The following PPM1L variants were observed in gnomAD, a reference collection of about 807,000 sequenced individuals.
PPM1L encodes the protein protein phosphatase, Mg2+/Mn2+ dependent 1L.
Under a neutral mutation model 31.4 loss-of-function variants are expected in PPM1L, and 13 were observed. That is an observed-to-expected ratio of 0.41 (90% confidence interval 0.27 to 0.66). The LOEUF (loss-of-function observed/expected upper bound fraction) is 0.66, where lower values mean the gene tolerates loss of function less well. Ranked by LOEUF, PPM1L falls within the 30% of genes least tolerant of loss-of-function variation. The pLI is 0.29. For missense variants in PPM1L, 326 were observed against 453.7 expected, an observed-to-expected ratio of 0.72 and a Z score of 2.56; for synonymous variants, 184 against 175.4, an observed-to-expected ratio of 1.05 and a Z score of -0.39.
At position 160,850,894 on chromosome 3, in the gene PPM1L, G is replaced by GA. The variant is rs1553812637; in HGVS notation, c.399+94187_399+94188insA. 6.7e-5 allele frequency among the ~76,000 whole-genome samples: 10 copies of GA among 148,364 alleles called. No individual in the cohort carries two copies. In the Admixed American group the frequency reaches 6.8e-4, roughly 10 times the overall value. On this transcript the variant is annotated intron_variant, in intron 1 of 3. Transcript: ENST00000498165. ...ACTCTTTTTTTTTGGTGGGGGGGGG[G>GA]TCATTATTGTTTTTCTCTCTTACAG...
chr3:161,050,701 AT>A (rs1719246171), intron 2 of PPM1L, among the ~76,000 whole-genome samples: 2 of 152,134 alleles, frequency 1.3e-5, no homozygotes, highest in Non-Finnish European at 2.9e-5. Context: ...ACTATAATTA[AT>A]GTCCTTGTAA....
chr3:160,840,789 G>A (rs1713851633), intron 1 of PPM1L, among the ~76,000 whole-genome samples: 1 of 150,068 alleles, frequency 6.7e-6, no homozygotes, highest in African/African-American at 2.5e-5. Context: ...AGAGAGAGAG[G>A]AGAGAGAGAG....
intron 2 of PPM1L, among the ~76,000 whole-genome samples, chr3:160,987,300 A>G (rs1716996150): frequency 6.6e-6 from 1 of 152,216 alleles, no homozygotes; most frequent in Non-Finnish European, 1.5e-5. Flanking sequence ...CACTGAGCAT[A>G]TGAAAGGCAG....
chr3:160,761,108 A>G (rs1406620908), intron 1 of PPM1L, among the ~76,000 whole-genome samples: 4 of 152,222 alleles, frequency 2.6e-5, no homozygotes, highest in Non-Finnish European at 5.9e-5. Flanking sequence ...TGAGAATGTT[A>G]TGAAACTACA....
intron 2 of PPM1L, among the ~76,000 whole-genome samples, chr3:160,996,990 G>T (rs1333860582): frequency 6.6e-6 from 1 of 152,066 alleles, no homozygotes; most frequent in Non-Finnish European, 1.5e-5. Context: ...AGGGATAGGA[G>T]GACTTAAGGT....
At chr3:160,974,376 G>A (rs1324219430) in intron 2 of PPM1L, among the ~76,000 whole-genome samples, 1 of 151,990 alleles carries the variant, frequency 6.6e-6, no homozygotes. Context: ...TAGTTGTGTG[G>A]GTGTATATCC....
At chr3:160,765,446 G>A (rs979513668) in intron 1 of PPM1L, among the ~76,000 whole-genome samples, 2 of 152,110 alleles carry the variant, frequency 1.3e-5, no homozygotes, top group African/African-American at 2.4e-5. Context: ...GACAGGTGGT[G>A]GTGTTTTTGA....
At chr3:161,005,799 A>G (rs1717684284) in intron 2 of PPM1L, among the ~76,000 whole-genome samples, 1 of 152,226 alleles carries the variant, frequency 6.6e-6, no homozygotes, top group African/African-American at 2.4e-5. Context: ...GGATTTAGAC[A>G]TGCAAAAATG....
intron 2 of PPM1L, among the ~76,000 whole-genome samples, chr3:160,968,376 G>A (rs1716220848): frequency 6.6e-6 from 1 of 152,156 alleles, no homozygotes; most frequent in Non-Finnish European, 1.5e-5. Context: ...TTCAAGGAAA[G>A]CAATGGCATA....
In PPM1L at chr3:160,835,290, C is replaced by T. The variant is rs554405508; in HGVS notation, c.399+78583C>T. On this transcript the variant is annotated intron_variant, in intron 1 of 3. Transcript: ENST00000498165. Reference sequence around the variant, plus strand: ...AAACGCATTGTATAGTGGTCAGTTCCTTAGCTCTTAAGCAATGAGTATCCA... The same window carrying T: ...AAACGCATTGTATAGTGGTCAGTTCTTTAGCTCTTAAGCAATGAGTATCCA... Among the ~76,000 whole-genome samples, 7 of 151,398 alleles carry T rather than the reference C, an allele frequency of 4.6e-5. No individual in the cohort carries two copies. The East Asian group carries it at 9.7e-4, about 21-fold the overall frequency.
intron 1 of PPM1L, among the ~76,000 whole-genome samples, chr3:160,770,347 A>G (rs1179602169): frequency 6.6e-6 from 1 of 152,168 alleles, no homozygotes; most frequent in Non-Finnish European, 1.5e-5. Context: ...ATTATTTAAA[A>G]AGTTTGAGAT....
At chr3:160,868,808 T>C (rs1712188454) in intron 1 of PPM1L, among the ~76,000 whole-genome samples, 1 of 152,198 alleles carries the variant, frequency 6.6e-6, no homozygotes, top group South Asian at 2.1e-4. Flanking sequence ...AATATGACAG[T>C]TAATTTCTTC....
chr3:160,969,261 T>C (rs1420545720), intron 2 of PPM1L, among the ~76,000 whole-genome samples: 1 of 152,178 alleles, frequency 6.6e-6, no homozygotes, highest in Non-Finnish European at 1.5e-5. Flanking sequence ...AAAAATAGCT[T>C]TTTAAAAGCG....
intron 1 of PPM1L, among the ~76,000 whole-genome samples, chr3:160,885,023 G>C (rs1346097070): frequency 1.3e-5 from 2 of 152,088 alleles, no homozygotes; most frequent in Non-Finnish European, 2.9e-5. Flanking sequence ...TTTTTCAAAA[G>C]GCAAATTCTA....
chr3:161,008,262 C>G (rs114275236), intron 2 of PPM1L, among the ~76,000 whole-genome samples: 2,823 of 152,280 alleles, frequency 0.019, 78 homozygotes, highest in African/African-American at 0.063. Context: ...GAGGGCCCTG[C>G]CCCATACCCA....
intron 2 of PPM1L, among the ~76,000 whole-genome samples, chr3:160,962,782 A>G (rs1329176794): frequency 1.3e-5 from 2 of 151,996 alleles, no homozygotes; most frequent in Non-Finnish European, 2.9e-5. Flanking sequence ...TTCAAGTTCA[A>G]ATAGCAAACA....
chr3:161,078,196 A>G lies in PPM1L; in HGVS notation c.*9039A>G, dbSNP rs1720169802. 1.3e-5 allele frequency: 2 copies of G among 152,362 alleles called. No individual in the cohort carries two copies. The highest frequency in any genetic ancestry group is 4.1e-4 in the South Asian group (2 of 4,832). 9.4% of individuals were successfully genotyped at this position (152,362 alleles called of 1,614,324 possible). On this transcript the variant is annotated 3_prime_UTR_variant, in exon 4 of 4. Coordinates refer to ENST00000498165, the MANE Select transcript of PPM1L (RefSeq NM_139245.4). The stretch of plus-strand genomic sequence containing the variant: ...TCAGTTATTAAGGATGGAAAGGAGG[A>G]AAGCACAGAGTGAGGAGAGAAAAAG...
chr3:160,883,098 A>T (rs1712780905), intron 1 of PPM1L, among the ~76,000 whole-genome samples: 1 of 152,234 alleles, frequency 6.6e-6, no homozygotes, highest in Non-Finnish European at 1.5e-5. Flanking sequence ...GCTGGCACAA[A>T]GTAGATTGCT....
intron 1 of PPM1L, among the ~76,000 whole-genome samples, chr3:160,944,738 A>T (rs1360547813): frequency 2.0e-5 from 2 of 101,602 alleles, no homozygotes. Flanking sequence ...AACATGTTAT[A>T]TATTATATAA....
Sources: gnomAD v4.1 joint callset for allele counts (sites outside exome capture counted in the v4.1 genomes callset) on GRCh38, gnomAD v4.1.1 for gene constraint, MANE v1.5 for transcripts, NCBI Gene and HGNC (gene_info 2026-07-23, HGNC 2026-07-21) for gene names.